The following MACF1 variants were observed in gnomAD, a reference collection of about 807,000 sequenced individuals.
MACF1 encodes microtubule-actin cross-linking factor 1.
A neutral mutation model predicts 854.8 loss-of-function variants in MACF1; 193 were observed. That is an observed-to-expected ratio of 0.23 (90% CI 0.20 to 0.25). The LOEUF (loss-of-function observed/expected upper bound fraction) is 0.25, where lower values mean the gene tolerates loss of function less well. Ranked by LOEUF, MACF1 falls within the 10% of genes least tolerant of loss-of-function variation. MACF1 has a pLI of 1.00. For synonymous variants in MACF1, 3,185 were observed against 3,226.7 expected (o/e 0.99, Z 0.44); for missense variants, 7,722 against 8,929.1 (o/e 0.86, Z 5.45).
Position 39,303,021 on chromosome 1 carries a change from C to T in MACF1, c.2732C>T (p.Pro911Leu). The T allele has an allele frequency of 6.2e-7, 1 of 1,614,132 alleles. No individual in the cohort carries two copies. The highest frequency in any genetic ancestry group is 8.5e-7 in the Non-Finnish European group (1 of 1,179,990). ...CCCACAGGGAACGAGGCAATGGTGC[C>T]GTCAGTCTGCTTCCTCATCCCCCCA... Reference protein sequence around the residue: ...ISPTGNEAMVPSVCFLIPPPN... With the variant: ...ISPTGNEAMVLSVCFLIPPPN... The change falls in exon 23 of 101, where the codon CCG becomes CTG. Residue 911 changes from proline (P) to leucine (L), a missense_variant. Around this residue, in one of 15 missense-constraint regions of MACF1, gnomAD observed 1,137 missense variants for 1,263.0 expected, o/e 0.90. Coordinates refer to ENST00000564288, the MANE Select transcript of MACF1 (RefSeq NM_001394062.1).
chr1:39,414,260 T>C, intron 58 of MACF1: 1 of 1,614,008 alleles, frequency 6.2e-7, no homozygotes, highest in Non-Finnish European at 8.5e-7. Flanking sequence ...ATGGAGGAAG[T>C]TTCCCCCATT....
Position 39,460,683 on chromosome 1 carries a change from C to T in MACF1, c.21412C>T (p.Arg7138Cys), listed in dbSNP as rs747182535. ...DFDVWRKKYM[R>C]WMNHKKSRVM... Reference sequence around the variant, plus strand: ...TGATGTCTGGAGGAAAAAGTATATGCGTTGGATGAATCACAAAAAGTCTCG... The same window carrying T: ...TGATGTCTGGAGGAAAAAGTATATGTGTTGGATGAATCACAAAAAGTCTCG... Residue 7138 changes from arginine (R) to cysteine (C), a missense_variant, in exon 92 of 101, where the codon CGT becomes TGT. Coordinates refer to ENST00000564288, the MANE Select transcript of MACF1 (RefSeq NM_001394062.1). This position sits in a 1 kb window ranked among gnomAD's most constrained non-coding sequence, Gnocchi z 4.1. The T allele has an allele frequency of 1.1e-5, 18 of 1,614,004 alleles. No individual in the cohort carries two copies. Among genetic ancestry groups the T allele is most frequent in the South Asian group, 1.1e-4 (10 of 91,086 alleles).
intron 20 of MACF1, among the ~76,000 whole-genome samples, chr1:39,296,751 A>AAAAGAAGGAAGGAAGGAAGG (rs1645911952): frequency 1.1e-5 from 1 of 93,648 alleles, no homozygotes; most frequent in African/African-American, 4.5e-5. Context: ...AGAAAGAAAG[A>AAAAGAAGGAAGGAAGGAAGG]AAGGAAGGAA....
chr1:39,393,181 T>TAAAA (rs1192045357), intron 58 of MACF1, among the ~76,000 whole-genome samples: 37 of 90,256 alleles, frequency 4.1e-4, no homozygotes, highest in African/African-American at 6.8e-4. Context: ...CTGGGAAGGG[T>TAAAA]AAAAAAAAAA....
Position 39,284,118 on chromosome 1 carries a change from C to G in MACF1, c.968C>G (p.Pro323Arg), listed in dbSNP as rs776003374. Residue 323 changes from proline (P) to arginine (R), a missense_variant, in exon 10 of 101, where the codon CCC becomes CGC. This residue lies in a region of MACF1 where 97 missense variants were observed against 130.4 expected (regional missense o/e 0.74). Coordinates refer to ENST00000564288, the MANE Select transcript of MACF1 (RefSeq NM_001394062.1). ...EYQSRVDSLI[P>R]WIKQHTILMS... ...CAAAGCCGAGTGGACTCCCTCATTC[C>G]CTGGATCAAACAGCATACAATACTG... is the stretch of plus-strand genomic sequence containing the variant. 1.9e-6 allele frequency: 3 copies of G among 1,614,012 alleles called. No individual in the cohort carries two copies. The South Asian group carries it at 3.3e-5, about 18-fold the overall frequency.
At chr1:39,193,833 G>T (rs115545838) in intron 2 of MACF1, among the ~76,000 whole-genome samples, 1 of 151,746 alleles carries the variant, frequency 6.6e-6, no homozygotes, top group Non-Finnish European at 1.5e-5. Flanking sequence ...GTTTAAGAGT[G>T]AGTTTTCTTT....
intron 6 of MACF1, 144 bp from the exon 7 acceptor site, chr1:39,282,064 G>T: frequency 1.6e-6 from 1 of 612,102 alleles, no homozygotes; most frequent in Non-Finnish European, 2.7e-6. Context: ...CTAGCAAGAG[G>T]GGGAATATAT....
rs1646735437 is a variant in MACF1, at chr1:39,331,965, A to G, written c.5377A>G (p.Asn1793Asp). The G allele has an allele frequency of 6.2e-7, 1 of 1,614,130 alleles. No homozygotes were observed. The highest frequency in any genetic ancestry group is 8.5e-7 in the Non-Finnish European group (1 of 1,180,016). Residue 1793 changes from asparagine to aspartate, a missense_variant, in exon 37 of 101, where the codon AAT becomes GAT. Physicochemically the swap from Asn to Asp is conservative, Grantham distance 23 (BLOSUM62 1). Around this residue, in one of 15 missense-constraint regions of MACF1, gnomAD observed 1,531 missense variants for 1,601.6 expected, o/e 0.96. Transcript: ENST00000564288. ...RLTVEEAVRH[N>D]LIDQDMACAI... ...TACAGTGGAAGAGGCTGTAAGACAT[A>G]ATCTGATTGACCAAGATATGGCCTG...
chr1:39,311,886 TA>T (rs1646307900), intron 26 of MACF1, among the ~76,000 whole-genome samples: 1 of 152,144 alleles, frequency 6.6e-6, no homozygotes, highest in South Asian at 2.1e-4. Flanking sequence ...AAGGAATGGC[TA>T]ATGAGGAGGA....
At chr1:39,156,496 G>GTCC (rs992223362) in intron 2 of MACF1, among the ~76,000 whole-genome samples, 31 of 152,180 alleles carry the variant, frequency 2.0e-4, no homozygotes, top group African/African-American at 7.5e-4. Context: ...ATGTGTGCCT[G>GTCC]TAGTCCCAGC....
chr1:39,314,505 T>C (rs1315630067), intron 26 of MACF1, among the ~76,000 whole-genome samples: 1 of 151,640 alleles, frequency 6.6e-6, no homozygotes, highest in Non-Finnish European at 1.5e-5. Context: ...TACGTAAGTT[T>C]ACAGATATAG....
intron 49 of MACF1, among the ~76,000 whole-genome samples, chr1:39,367,811 C>G (rs1005141302): frequency 6.6e-6 from 1 of 151,642 alleles, no homozygotes; most frequent in Non-Finnish European, 1.5e-5. Context: ...CTTTTTAATA[C>G]AAAAAATAAT....
intron 2 of MACF1, among the ~76,000 whole-genome samples, chr1:39,117,720 T>G (rs1642584075): frequency 6.6e-6 from 1 of 152,212 alleles, no homozygotes; most frequent in African/African-American, 2.4e-5. Context: ...GAATATAGTA[T>G]ATAACACTGA....
chr1:39,121,593 C>T (rs1030996207), intron 2 of MACF1, among the ~76,000 whole-genome samples: 7 of 152,204 alleles, frequency 4.6e-5, no homozygotes, highest in South Asian at 2.1e-4. Context: ...GGACTAGGCG[C>T]GTGCCACCAC....
chr1:39,432,556 G>C lies in MACF1; in HGVS notation c.17359G>C (p.Glu5787Gln), dbSNP rs1404982695. 2 of 1,614,072 alleles carry C rather than the reference G, an allele frequency of 1.2e-6. No homozygotes were observed. Among genetic ancestry groups the C allele is most frequent in the Admixed American group, 3.3e-5 (2 of 60,008 alleles). The change falls in exon 67 of 101, where the codon GAA becomes CAA. Residue 5787 changes from glutamate (E) to glutamine (Q), a missense_variant. Coordinates refer to ENST00000564288, the MANE Select transcript of MACF1 (RefSeq NM_001394062.1). Reference protein sequence around the residue: ...SQQYEQAADAELAWVAETKRK... With the variant: ...SQQYEQAADAQLAWVAETKRK... Reference sequence around the variant, plus strand: ...TTAGTATGAGCAAGCTGCCGATGCAGAACTAGCTTGGGTTGCTGAAACAAA... The same window carrying C: ...TTAGTATGAGCAAGCTGCCGATGCACAACTAGCTTGGGTTGCTGAAACAAA...
At chr1:39,156,959 C>T (rs1256995293) in intron 2 of MACF1, among the ~76,000 whole-genome samples, 2 of 128,176 alleles carry the variant, frequency 1.6e-5, no homozygotes, top group African/African-American at 2.8e-5. Context: ...CTTTCCCTTT[C>T]CATTATCTTT....
At chr1:39,407,839 T>A (rs1432878019) in intron 58 of MACF1, among the ~76,000 whole-genome samples, 1 of 152,206 alleles carries the variant, frequency 6.6e-6, no homozygotes, top group Non-Finnish European at 1.5e-5. Flanking sequence ...CCGACAGAGA[T>A]TCCGAATTTT....
Position 39,331,268 on chromosome 1 carries a change from C to A in MACF1, c.4680C>A (p.Ala1560=), listed in dbSNP as rs753521795. The change falls in exon 37 of 101, where the codon GCC becomes GCA. Residue 1560 remains alanine, a synonymous_variant. Coordinates refer to ENST00000564288, the MANE Select transcript of MACF1 (RefSeq NM_001394062.1). The part of the protein sequence containing the change: ...GTVEIFPIFK[A]MQKGLLDQDT... ...TGGAGATATTTCCCATCTTCAAAGCCATGCAAAAGGGCCTCCTTGACCAAG... is the reference window on the plus strand; with the variant it reads ...TGGAGATATTTCCCATCTTCAAAGCAATGCAAAAGGGCCTCCTTGACCAAG... 4 of 1,606,142 alleles carry A rather than the reference C, an allele frequency of 2.5e-6. No individual in the cohort carries two copies. Among genetic ancestry groups the A allele is most frequent in the Non-Finnish European group, 3.4e-6 (4 of 1,177,878 alleles).
In MACF1 at chr1:39,462,129, G is replaced by C. The variant is rs1570167170; in HGVS notation, c.21678+92G>C. The C allele has an allele frequency of 4.9e-6, 6 of 1,229,810 alleles. No homozygotes were observed. In the East Asian group the frequency reaches 1.2e-4, roughly 25 times the overall value. 76.2% of individuals were successfully genotyped at this position (1,229,810 alleles called of 1,614,324 possible). On this transcript the variant is annotated intron_variant, in intron 93 of 100. Transcript: ENST00000564288. ...GGGTTCAGTGATCATATTAGCCTTT[G>C]ACTTGTCTGTTGGGAGATAATTATT...
Sources: allele counts gnomAD v4.1 joint callset (sites outside exome capture counted in the v4.1 genomes callset), GRCh38; gene constraint gnomAD v4.1.1; regional missense constraint gnomAD v4.1.1; non-coding constraint Gnocchi (gnomAD v3.1); transcripts MANE v1.5; gene names NCBI Gene and HGNC (gene_info 2026-07-23, HGNC 2026-07-21).